The following C2CD2L variants were observed in gnomAD, a reference collection of about 807,000 sequenced individuals.
The protein encoded by C2CD2L is phospholipid transfer protein C2CD2L.
A neutral mutation model predicts 69.9 loss-of-function variants in C2CD2L; 24 were observed. The observed-to-expected ratio is 0.34, with a 90% CI of 0.25 to 0.48. The LOEUF (loss-of-function observed/expected upper bound fraction) is 0.48, where lower values mean the gene tolerates loss of function less well. C2CD2L is among the 20% of genes least tolerant of loss of function. The probability of loss-of-function intolerance (pLI) is 0.99; values close to 1 mark genes in which losing one functional copy is unlikely to be tolerated. For synonymous variants in C2CD2L, 367 were observed against 391.0 expected (o/e 0.94, Z 0.72); for missense variants, 811 against 941.5 (o/e 0.86, Z 1.81).
At position 119,110,768 on chromosome 11, in the gene C2CD2L, C is replaced by T; in HGVS notation, c.571-79C>T. On this transcript the variant is annotated intron_variant, in intron 3 of 13. Transcript: ENST00000648610. This position sits in a 1 kb window ranked among gnomAD's most constrained non-coding sequence, Gnocchi z 5.7. ...TTTGTTTCCTCTCTGGGATGGAATT[C>T]AGGAAGGGAGAGTCCTCGAATTAGG... The T allele has an allele frequency of 1.2e-6, 2 of 1,606,048 alleles. No individual in the cohort carries two copies. The highest frequency in any genetic ancestry group is 1.7e-6 in the Non-Finnish European group (2 of 1,174,022).
upstream of C2CD2L, among the ~76,000 whole-genome samples, chr11:119,102,773 T>A (rs1238536788): frequency 2.0e-5 from 3 of 151,704 alleles, no homozygotes; most frequent in Non-Finnish European, 4.4e-5. Flanking sequence ...GGTTTCTTCC[T>A]GTAGGTCACT....
At chr11:119,113,006 C>A in intron 10 of C2CD2L, 132 bp downstream of exon 10, 1 of 710,194 alleles carries the variant, frequency 1.4e-6, no homozygotes. Context: ...TCCAGTCCTA[C>A]CACATCTTCC....
upstream of C2CD2L, chr11:119,107,067 A>G (rs1215218635): frequency 6.6e-6 from 1 of 152,262 alleles, no homozygotes; most frequent in Non-Finnish European, 1.5e-5. This position sits in a 1 kb window ranked among gnomAD's most constrained non-coding sequence, Gnocchi z 5.4. Flanking sequence ...TCTTAACCTC[A>G]CAGGCGTCCG....
In C2CD2L at chr11:119,112,692, CT is replaced by C. The variant is rs753228335; in HGVS notation, c.1213-7del. ...GCTCTGTCTCTTCTCTCTCCCACCC[CT>C]GGGCAGCTTCACTATGAGGAGGGCT... On this transcript the variant is annotated splice_region_variant and splice_polypyrimidine_tract_variant and intron_variant, in intron 9 of 13. Coordinates refer to ENST00000648610, the MANE Select transcript of C2CD2L (RefSeq NM_001290474.2). 10 of 1,612,774 alleles carry C rather than the reference CT, an allele frequency of 6.2e-6. No individual in the cohort carries two copies. The African/African-American group carries it at 1.2e-4, about 19-fold the overall frequency.
Position 119,110,873 on chromosome 11 carries a change from T to C in C2CD2L, c.597T>C (p.Pro199=). ...TGGAAGTCAACCTGGAGGAAATCCC[T>C]GGTGAGGGGCTGCTCATATCCTGGG... ...TQLEVNLEEI[P]GEGLLISWAF... Residue 199 remains proline, a synonymous_variant, in exon 4 of 14, where the codon CCT becomes CCC. Coordinates refer to ENST00000648610, the MANE Select transcript of C2CD2L (RefSeq NM_001290474.2). The surrounding 1 kb of genome is among the most constrained non-coding windows in gnomAD (Gnocchi z 5.7). 1 of 1,614,118 alleles carries C rather than the reference T, an allele frequency of 6.2e-7. No homozygotes were observed. The highest frequency in any genetic ancestry group is 8.5e-7 in the Non-Finnish European group (1 of 1,179,942).
At chr11:119,108,173 C>A (rs1946640612) in intron 1 of C2CD2L, 78 bp downstream of exon 1, 5 of 978,412 alleles carry the variant, frequency 5.1e-6, no homozygotes, top group South Asian at 4.7e-5. Context: ...TGCTAGGAGG[C>A]CAGACGAGGG....
chr11:119,106,904 A>C (rs1565770581), upstream of C2CD2L: 1 of 152,218 alleles, frequency 6.6e-6, no homozygotes, highest in African/African-American at 2.4e-5. Flanking sequence ...TGTTGACATC[A>C]GCTGGACCTC....
chr11:119,107,459 G>C lies in C2CD2L; in HGVS notation c.-283G>C. 3.4e-6 allele frequency: 1 copy of C among 290,276 alleles called. No individual in the cohort carries two copies. The allele number at this position is 290,276 out of a possible 1,614,324, so 18.0% of individuals were successfully genotyped here. A position where few individuals can be genotyped will look rare whatever the true frequency, so the allele number is the denominator to read the frequency against. ...AGGGTCCGGCGGGGCCCGCGCGGTG[G>C]GAGGAGTCGGGCACTGGCCGGCGAC... On this transcript the variant is annotated 5_prime_UTR_variant, in exon 1 of 14. Transcript: ENST00000648610. This position sits in a 1 kb window ranked among gnomAD's most constrained non-coding sequence, Gnocchi z 5.4.
upstream of C2CD2L, among the ~76,000 whole-genome samples, chr11:119,103,890 G>A (rs1406943242): frequency 1.3e-5 from 2 of 152,164 alleles, no homozygotes; most frequent in Admixed American, 6.5e-5. Context: ...GTGTATGCAC[G>A]TGTGCCCCTT....
At chr11:119,102,381 C>T (rs1480513764), upstream of C2CD2L, 1 of 467,998 alleles carries the variant, frequency 2.1e-6, no homozygotes, top group Non-Finnish European at 4.4e-6. Context: ...CCAAGGTAAA[C>T]ACAACTCAGT....
chr11:119,114,456 C>G lies in C2CD2L; in HGVS notation c.1909+91C>G. 1 of 1,302,066 alleles carries G rather than the reference C, an allele frequency of 7.7e-7. No homozygotes were observed. The highest frequency in any genetic ancestry group is 1.1e-6 in the Non-Finnish European group (1 of 925,702). The allele number at this position is 1,302,066 out of a possible 1,614,324, so 80.7% of individuals were successfully genotyped here. ...CTCGAGCCAGTGTGCCTTCTCCTTC[C>G]TCCCCTAAGAGATAGCCGGATTCCC... On this transcript the variant is annotated intron_variant, in intron 13 of 13. Transcript: ENST00000648610. The surrounding 1 kb of genome is among the most constrained non-coding windows in gnomAD (Gnocchi z 5.1).
In C2CD2L at chr11:119,111,155, C is replaced by A. The variant is rs1367071845; in HGVS notation, c.785C>A (p.Ala262Asp). ...AMMVNLRACS[A>D]PGGLVPSEKP... is the part of the protein sequence containing the mutation. ...ATGGTCAACCTCAGGGCTTGCTCTGCCCCAGGAGGCCTGGTGAGTTGGCAC... is the reference window on the plus strand; with the variant it reads ...ATGGTCAACCTCAGGGCTTGCTCTGACCCAGGAGGCCTGGTGAGTTGGCAC... Residue 262 changes from alanine to aspartate, a missense_variant, in exon 5 of 14, where the codon GCC (alanine) becomes GAC (aspartate). Transcript: ENST00000648610. The A allele has an allele frequency of 6.2e-7, 1 of 1,613,436 alleles. No homozygotes were observed. Among genetic ancestry groups the A allele is most frequent in the East Asian group, 2.2e-5 (1 of 44,886 alleles).
Position 119,116,398 on chromosome 11 carries a change from GT to G in C2CD2L, c.*144del. The G allele has an allele frequency of 1.5e-6, 1 of 668,694 alleles. No individual in the cohort carries two copies. Among genetic ancestry groups the G allele is most frequent in the Non-Finnish European group, 2.6e-6 (1 of 391,184 alleles). The allele number at this position is 668,694 out of a possible 1,614,324, so 41.4% of individuals were successfully genotyped here. On this transcript the variant is annotated 3_prime_UTR_variant, in exon 14 of 14. Coordinates refer to ENST00000648610, the MANE Select transcript of C2CD2L (RefSeq NM_001290474.2). Reference sequence around the variant, plus strand: ...CCGTCCACCCTGGGCCATGGGGCCGGTTGGAAGGATACTTGGAACGGGAAGC... The same window carrying G: ...CCGTCCACCCTGGGCCATGGGGCCGGTGGAAGGATACTTGGAACGGGAAGC...
Position 119,111,063 on chromosome 11 carries a change from A to ACCTCTCTT in C2CD2L, c.694_695insCTCTCTTC (p.Gln232ProfsTer13). 1 of 1,614,032 alleles carries ACCTCTCTT rather than the reference A, an allele frequency of 6.2e-7. No homozygotes were observed. Among genetic ancestry groups the ACCTCTCTT allele is most frequent in the Non-Finnish European group, 8.5e-7 (1 of 1,179,926 alleles). The stretch of plus-strand genomic sequence containing the variant: ...TCTTCTCTCTGCAGAGAGGTGAAGA[A>ACCTCTCTT]CAAGTGGAGCTCTCCACAATTGAGG... On this transcript the variant is annotated frameshift_variant, in exon 5 of 14. Coordinates refer to ENST00000648610, the MANE Select transcript of C2CD2L (RefSeq NM_001290474.2). LOFTEE classifies it high-confidence loss of function.
In C2CD2L at chr11:119,112,337, C is replaced by T. The variant is rs1946765697; in HGVS notation, c.1029C>T (p.Gly343=). ...TCCTCTTGTCCCACAGGGATCTGGG[C>T]CCCCAGAGCCGGGAGCTGACCCTCA... ...EWTEDLALDL[G]PQSRELTLKV... Residue 343 remains glycine (G), a synonymous_variant, in exon 8 of 14, where the codon GGC becomes GGT. Transcript: ENST00000648610. 2.5e-6 allele frequency: 4 copies of T among 1,612,288 alleles called. No homozygotes were observed. The highest frequency in any genetic ancestry group is 2.2e-5 in the South Asian group (2 of 90,962).
rs971052147 is a variant in C2CD2L at position 119,116,053 on chromosome 11, C to T, written c.1918C>T (p.Leu640=). 13 of 1,613,828 alleles carry T rather than the reference C, an allele frequency of 8.1e-6. No homozygotes were observed. Among genetic ancestry groups the T allele is most frequent in the Admixed American group, 5.0e-5 (3 of 60,014 alleles). The change falls in exon 14 of 14, where the codon CTG becomes TTG. Residue 640 remains leucine, a synonymous_variant. Transcript: ENST00000648610. ...RSLKDHKVSF[L]RSGTKLIFRR... Reference sequence around the variant, plus strand: ...CCCCTCTTCCCCTGCAGTGAGTTTCCTGCGCAGCGGCACTAAGCTCATCTT... The same window carrying T: ...CCCCTCTTCCCCTGCAGTGAGTTTCTTGCGCAGCGGCACTAAGCTCATCTT...
chr11:119,114,548 A>T lies in C2CD2L; in HGVS notation c.1909+183A>T. ...CCTTGGTTCCTGGCCTAGATCTGAC[A>T]TGCTTGTGATAGGAAGGGATGCCAA... On this transcript the variant is annotated intron_variant, in intron 13 of 13. Transcript: ENST00000648610. This position sits in a 1 kb window ranked among gnomAD's most constrained non-coding sequence, Gnocchi z 5.1. 1.6e-6 allele frequency: 1 copy of T among 613,022 alleles called. No homozygotes were observed. The allele number at this position is 613,022 out of a possible 1,614,324, so 38.0% of individuals were successfully genotyped here.
chr11:119,113,581 C>G (rs1187001784), intron 10 of C2CD2L, 30 bp from the exon 11 acceptor site: 1 of 1,599,672 alleles, frequency 6.3e-7, no homozygotes, highest in Admixed American at 1.7e-5. Flanking sequence ...GAAGCAACTC[C>G]CAGCTCACTG....
rs773673939 is a variant in C2CD2L at position 119,114,239 on chromosome 11, A to G, written c.1783A>G (p.Thr595Ala). 14 of 1,613,976 alleles carry G rather than the reference A, an allele frequency of 8.7e-6. No homozygotes were observed. Among genetic ancestry groups the G allele is most frequent in the Admixed American group, 1.7e-5 (1 of 59,992 alleles). Residue 595 changes from threonine to alanine, a missense_variant, in exon 13 of 14, where the codon ACA becomes GCA. Thr to Ala is a moderately conservative substitution (Grantham distance 58). Coordinates refer to ENST00000648610, the MANE Select transcript of C2CD2L (RefSeq NM_001290474.2). This position sits in a 1 kb window ranked among gnomAD's most constrained non-coding sequence, Gnocchi z 5.1. Reference protein sequence around the residue: ...PGPLDALSSPTSVQEADETTR... With the variant: ...PGPLDALSSPASVQEADETTR... ...ACCGCTAGATGCCCTCTCTAGTCCC[A>G]CAAGTGTCCAGGAAGCAGACGAGAC...
Sources: allele counts gnomAD v4.1 joint callset (sites outside exome capture counted in the v4.1 genomes callset), GRCh38; gene constraint gnomAD v4.1.1; non-coding constraint Gnocchi (gnomAD v3.1); transcripts MANE v1.5; gene names NCBI Gene and HGNC (gene_info 2026-07-23, HGNC 2026-07-21).